DRC7: variants seen among roughly 807,000 people sequenced by gnomAD.
DRC7 encodes the protein coiled-coil domain containing 135.
Under a neutral mutation model 104.4 loss-of-function variants are expected in DRC7, and 80 were observed. The observed-to-expected ratio is 0.77, with a 90% confidence interval of 0.64 to 0.92. The LOEUF is 0.92. DRC7 is among the 40% of genes least tolerant of loss of function. The probability of loss-of-function intolerance (pLI) is 0.00; values close to 1 mark genes in which losing one functional copy is unlikely to be tolerated. For synonymous variants in DRC7, 405 were observed against 447.3 expected, an observed-to-expected ratio of 0.91 and a Z score of 1.19; for missense variants, 1,034 against 1,141.1, an observed-to-expected ratio of 0.91 and a Z score of 1.35.
At chr16:57,721,995 C>T (rs937418405) in intron 10 of DRC7, among the ~76,000 whole-genome samples, 23 of 150,908 alleles carry the variant, frequency 1.5e-4, no homozygotes, top group African/African-American at 4.6e-4. Flanking sequence ...GGGATGATGG[C>T]GTGTAGGTGA....
At chr16:57,706,392 C>T (rs1258208548) in intron 7 of DRC7, among the ~76,000 whole-genome samples, 1 of 140,946 alleles carries the variant, frequency 7.1e-6, no homozygotes, top group African/African-American at 2.7e-5. Flanking sequence ...CCCTCCTACC[C>T]ACTGTTCTCC....
chr16:57,721,016 G>C (rs2048896037), intron 9 of DRC7, among the ~76,000 whole-genome samples: 1 of 151,922 alleles, frequency 6.6e-6, no homozygotes, highest in Non-Finnish European at 1.5e-5. Context: ...TGGGCAACAC[G>C]GTGAGACACC....
intron 2 of DRC7, 21 bp from the exon 3 acceptor site, chr16:57,697,892 T>G (rs2048613196): frequency 3.8e-6 from 6 of 1,571,796 alleles, no homozygotes; most frequent in African/African-American, 1.4e-5. Flanking sequence ...GGCCATGGAG[T>G]ATACTTACCC....
At chr16:57,700,466 G>T (rs1324312631) in intron 5 of DRC7, among the ~76,000 whole-genome samples, 196 bp downstream of exon 5, 2 of 152,070 alleles carry the variant, frequency 1.3e-5, no homozygotes, top group African/African-American at 4.8e-5. Flanking sequence ...GACCAACATG[G>T]CGAAACCCCG....
intron 9 of DRC7, among the ~76,000 whole-genome samples, chr16:57,720,026 G>A (rs760091538): frequency 7.6e-4 from 115 of 152,180 alleles, no homozygotes; most frequent in Admixed American, 2.0e-3. Flanking sequence ...CATTCAGCCC[G>A]TAGCAAAAGG....
chr16:57,707,618 A>G lies in DRC7; in HGVS notation c.1017A>G (p.Glu339=). The change falls in exon 8 of 19, where the codon GAA becomes GAG. Residue 339 remains glutamate, a synonymous_variant. Transcript: ENST00000360716. ...STQDEHFLGI[E]SLWNHKNYWI... is the part of the protein sequence containing the mutation. Reference sequence around the variant, plus strand: ...AGGATGAGCACTTCCTGGGCATCGAAAGCCTGTGGAACCACAAGAACTACT... The same window carrying G: ...AGGATGAGCACTTCCTGGGCATCGAGAGCCTGTGGAACCACAAGAACTACT... 1 of 1,613,558 alleles carries G rather than the reference A, an allele frequency of 6.2e-7. No homozygotes were observed. The highest frequency in any genetic ancestry group is 1.3e-5 in the African/African-American group (1 of 75,038).
In DRC7 at chr16:57,724,653, G is replaced by A. The variant is rs1343873976; in HGVS notation, c.1576G>A (p.Val526Ile). The A allele has an allele frequency of 1.2e-6, 2 of 1,613,772 alleles. No homozygotes were observed. The highest frequency in any genetic ancestry group is 1.6e-4 in the Middle Eastern group (1 of 6,084). ...GTCCATGCAACCTGAGATGGACCGT[G>A]TCATTGAGTTTTATGAAACGGCCCG... ...YKSMQPEMDR[V>I]IEFYETARVD... Residue 526 changes from valine (V) to isoleucine (I), a missense_variant, in exon 13 of 19, where the codon GTC becomes ATC. Coordinates refer to ENST00000360716, the MANE Select transcript of DRC7 (RefSeq NM_001289162.2).
In DRC7 at chr16:57,731,598, C is replaced by A; in HGVS notation, c.*340C>A. 1 of 344,882 alleles carries A rather than the reference C, an allele frequency of 2.9e-6. No homozygotes were observed. The highest frequency in any genetic ancestry group is 5.4e-6 in the Non-Finnish European group (1 of 184,154). 21.4% of individuals were successfully genotyped at this position (344,882 alleles called of 1,614,324 possible). On this transcript the variant is annotated 3_prime_UTR_variant, in exon 19 of 19. Transcript: ENST00000360716. The stretch of plus-strand genomic sequence containing the variant: ...GTTGGAATGTCAGGTCTTCACAGCA[C>A]CTCTGCAGATGGTCCCACAGCCATC...
intron 10 of DRC7, 88 bp downstream of exon 10, chr16:57,721,827 C>G: frequency 1.1e-6 from 1 of 944,940 alleles, no homozygotes; most frequent in Non-Finnish European, 1.7e-6. Flanking sequence ...CAGGGGGACA[C>G]AGCAGGGAAT....
At chr16:57,726,622 C>T in intron 14 of DRC7, 1 of 558,190 alleles carries the variant, frequency 1.8e-6, no homozygotes, top group Non-Finnish European at 3.2e-6. Flanking sequence ...CGCTCACTCT[C>T]CCGGCACAGT....
At chr16:57,710,608 A>G (rs1490264830) in intron 8 of DRC7, among the ~76,000 whole-genome samples, 1 of 152,218 alleles carries the variant, frequency 6.6e-6, no homozygotes, top group Non-Finnish European at 1.5e-5. Flanking sequence ...CATTAAGTAT[A>G]GTATTAGCCA....
At chr16:57,727,870 G>C (rs2048990571) in intron 16 of DRC7, among the ~76,000 whole-genome samples, 1 of 152,212 alleles carries the variant, frequency 6.6e-6, no homozygotes, top group South Asian at 2.1e-4. Context: ...TGAGATTTTA[G>C]TTTGGGGGTC....
chr16:57,698,514 C>T (rs1450840691), intron 3 of DRC7, among the ~76,000 whole-genome samples: 1 of 151,092 alleles, frequency 6.6e-6, no homozygotes, highest in Non-Finnish European at 1.5e-5. Flanking sequence ...TAGCAAGACC[C>T]CCCCACCCAT....
rs1002802674 is a variant in DRC7, at chr16:57,731,413, T to C, written c.*155T>C. The C allele has an allele frequency of 1.6e-5, 10 of 612,244 alleles. No individual in the cohort carries two copies. Among genetic ancestry groups the C allele is most frequent in the East Asian group, 5.5e-5 (2 of 36,052 alleles). The allele number at this position is 612,244 out of a possible 1,614,324, so 37.9% of individuals were successfully genotyped here. A position where few individuals can be genotyped will look rare whatever the true frequency, so the allele number is the denominator to read the frequency against. On this transcript the variant is annotated 3_prime_UTR_variant, in exon 19 of 19. Coordinates refer to ENST00000360716, the MANE Select transcript of DRC7 (RefSeq NM_001289162.2). ...CCCCTACAGCCCTGTTTGTTCCTGCTTCTCATGATTTTCCTGTAAATAAAC... is the reference window on the plus strand; with the variant it reads ...CCCCTACAGCCCTGTTTGTTCCTGCCTCTCATGATTTTCCTGTAAATAAAC...
chr16:57,706,670 G>A (rs111209693), intron 7 of DRC7, among the ~76,000 whole-genome samples: 773 of 48,430 alleles, frequency 0.016, 32 homozygotes, highest in African/African-American at 0.048. Flanking sequence ...ACCATCCTCC[G>A]ATCCATCCAT....
In DRC7 at chr16:57,705,106, T is replaced by C. The variant is rs573194082; in HGVS notation, c.858+72T>C. ...ACTGCTAGGGATGGGAAAAGAGGCA[T>C]AGGTCATGGAGGGGATGTGTGTATG... is the stretch of plus-strand genomic sequence containing the variant. On this transcript the variant is annotated intron_variant, in intron 7 of 18. Coordinates refer to ENST00000360716, the MANE Select transcript of DRC7 (RefSeq NM_001289162.2). 1.4e-5 allele frequency: 22 copies of C among 1,517,608 alleles called. No individual in the cohort carries two copies. The South Asian group carries it at 2.0e-4, about 14-fold the overall frequency. 94.0% of individuals were successfully genotyped at this position (1,517,608 alleles called of 1,614,324 possible).
intron 8 of DRC7, among the ~76,000 whole-genome samples, chr16:57,710,443 T>C (rs563849972): frequency 6.6e-6 from 1 of 152,360 alleles, no homozygotes; most frequent in South Asian, 2.1e-4. Flanking sequence ...CAGATAATTA[T>C]GTTATCTGTG....
intron 8 of DRC7, among the ~76,000 whole-genome samples, chr16:57,715,170 C>T (rs1215145689): frequency 2.6e-5 from 4 of 152,188 alleles, no homozygotes; most frequent in African/African-American, 9.7e-5. Context: ...ACCTCAGCCT[C>T]CTGAGTAGCT....
intron 8 of DRC7, among the ~76,000 whole-genome samples, chr16:57,717,071 T>C (rs1200634089): frequency 6.6e-6 from 1 of 150,936 alleles, no homozygotes; most frequent in Non-Finnish European, 1.5e-5. Context: ...GGTAGGAGAA[T>C]CACTTGAACC....
Sources: gnomAD v4.1 joint callset for allele counts (sites outside exome capture counted in the v4.1 genomes callset) on GRCh38, gnomAD v4.1.1 for gene constraint, MANE v1.5 for transcripts, NCBI Gene and HGNC (gene_info 2026-07-23, HGNC 2026-07-21) for gene names.